CCDC149: variants seen among roughly 807,000 people sequenced by gnomAD.
The protein encoded by CCDC149 is coiled-coil domain containing 149, also known as coiled-coil domain-containing protein 149.
Under a neutral mutation model 59.9 loss-of-function variants are expected in CCDC149, and 45 were observed. The ratio of observed to expected loss-of-function variants is 0.75; its 90% CI spans 0.59 to 0.96. CCDC149 has a LOEUF of 0.96. Among genes scored for constraint, CCDC149 ranks in the 40% least tolerant of loss-of-function variants. The pLI, the probability that CCDC149 is intolerant of heterozygous loss-of-function variation, is 0.00. For missense variants in CCDC149, 584 were observed against 664.7 expected (o/e 0.88, Z 1.33); for synonymous variants, 245 against 260.6 (o/e 0.94, Z 0.58).
intron 1 of CCDC149, among the ~76,000 whole-genome samples, chr4:24,976,250 T>C (rs1724188567): frequency 2.0e-5 from 3 of 152,174 alleles, no homozygotes; most frequent in Non-Finnish European, 2.9e-5. Flanking sequence ...CCAGGGTCCA[T>C]TTATCAAGGA....
chr4:24,868,178 AT>A lies in CCDC149; in HGVS notation c.264+5502del, dbSNP rs577756550. On this transcript the variant is annotated intron_variant, in intron 3 of 12. Coordinates refer to ENST00000635206, the MANE Select transcript of CCDC149 (RefSeq NM_001330643.2). ...TGCTGGTGACGCAGTTTAGAAAGTA[AT>A]TGTGCCTCTCCCTTTCCATACTTGC... Among the ~76,000 whole-genome samples, 196 of 152,236 alleles carry A rather than the reference AT, an allele frequency of 1.3e-3. 1 individual carries two copies. The highest frequency in any genetic ancestry group is 4.6e-3 in the African/African-American group (192 of 41,530).
chr4:24,959,875 C>A (rs1246305329), intron 1 of CCDC149, among the ~76,000 whole-genome samples: 2 of 152,138 alleles, frequency 1.3e-5, no homozygotes, highest in Non-Finnish European at 2.9e-5. Flanking sequence ...AAGAATTCAC[C>A]ACCAGTAGAC....
rs559000638 is a variant in CCDC149, at chr4:24,820,288, G to C, written c.1076-313C>G. On this transcript the variant is annotated intron_variant, in intron 11 of 12. Coordinates refer to ENST00000635206, the MANE Select transcript of CCDC149 (RefSeq NM_001330643.2). ...CTAAGTGGACCGCAGATTCTTGGAG[G>C]GGGTGATAAGCATGTCTAGAATGCC... is the stretch of plus-strand genomic sequence containing the variant. 3.0e-4 allele frequency: 79 copies of C among 264,648 alleles called. No homozygotes were observed. The South Asian group carries it at 4.2e-3, about 14-fold the overall frequency. 16.4% of individuals were successfully genotyped at this position (264,648 alleles called of 1,614,324 possible).
intron 3 of CCDC149, among the ~76,000 whole-genome samples, chr4:24,855,162 G>A (rs1160335748): frequency 6.6e-6 from 1 of 152,132 alleles, no homozygotes; most frequent in Admixed American, 6.5e-5. Flanking sequence ...TTTAAAATAA[G>A]AGGCAATAAG....
At chr4:24,916,794 G>GTGTGTGTGTGTT (rs1264027672), upstream of CCDC149, among the ~76,000 whole-genome samples, 3 of 138,056 alleles carry the variant, frequency 2.2e-5, no homozygotes, top group African/African-American at 9.7e-5. Context: ...AATGGTGTGT[G>GTGTGTGTGTGTT]TGTGTGTGTG....
chr4:24,906,156 G>C (rs1030258339), intron 1 of CCDC149, among the ~76,000 whole-genome samples: 3 of 152,142 alleles, frequency 2.0e-5, no homozygotes, highest in Non-Finnish European at 4.4e-5. Flanking sequence ...TTGGAGGCAG[G>C]CATCTTTCTT....
intron 3 of CCDC149, among the ~76,000 whole-genome samples, chr4:24,860,926 A>C (rs1718338595): frequency 6.6e-6 from 1 of 152,066 alleles, no homozygotes; most frequent in Admixed American, 6.6e-5. Context: ...AGGTGTTATT[A>C]CTCCTGTAAG....
intron 3 of CCDC149, 124 bp from the exon 4 acceptor site, chr4:24,853,303 A>G (rs1717785085): frequency 1.7e-5 from 12 of 716,272 alleles, no homozygotes; most frequent in Non-Finnish European, 2.7e-5. Context: ...CCGTTATAGT[A>G]AACACATATA....
At chr4:24,868,791 G>A (rs1408207335) in intron 3 of CCDC149, among the ~76,000 whole-genome samples, 2 of 152,094 alleles carry the variant, frequency 1.3e-5, no homozygotes, top group African/African-American at 2.4e-5. Context: ...ACACCCATGG[G>A]TGCTCCCTGA....
chr4:24,881,162 G>A (rs1320082762), intron 1 of CCDC149, among the ~76,000 whole-genome samples: 2 of 152,200 alleles, frequency 1.3e-5, no homozygotes, highest in African/African-American at 2.4e-5. Context: ...CTGAAGCTGC[G>A]TTTGTAGCAG....
chr4:24,821,879 C>T (rs906980875), intron 10 of CCDC149, among the ~76,000 whole-genome samples: 1 of 151,888 alleles, frequency 6.6e-6, no homozygotes, highest in African/African-American at 2.4e-5. Context: ...CAGTGTACAA[C>T]TGGAAAAAAA....
chr4:24,857,177 T>G (rs1286419466), intron 3 of CCDC149, among the ~76,000 whole-genome samples: 2 of 152,222 alleles, frequency 1.3e-5, no homozygotes, highest in African/African-American at 4.8e-5. Context: ...GACCCTGACA[T>G]TCACTGACCA....
chr4:24,869,682 C>T (rs555985480), intron 3 of CCDC149, among the ~76,000 whole-genome samples: 84 of 152,250 alleles, frequency 5.5e-4, no homozygotes, highest in African/African-American at 2.0e-3. Context: ...GGATGCTCAC[C>T]TTACGCCAGG....
intron 1 of CCDC149, among the ~76,000 whole-genome samples, chr4:24,953,186 A>G (rs1476235526): frequency 1.3e-5 from 2 of 152,166 alleles, no homozygotes; most frequent in Admixed American, 1.3e-4. Context: ...CTTCTCTAGC[A>G]TCTGGCTGGG....
intron 12 of CCDC149, among the ~76,000 whole-genome samples, chr4:24,818,542 G>A (rs1343546126): frequency 6.6e-6 from 1 of 152,236 alleles, no homozygotes; most frequent in Non-Finnish European, 1.5e-5. Flanking sequence ...TGAGCTGGGT[G>A]GTTCTGGCTA....
At chr4:24,877,054 T>A (rs2109249851) in intron 1 of CCDC149, among the ~76,000 whole-genome samples, 1 of 152,228 alleles carries the variant, frequency 6.6e-6, no homozygotes, top group East Asian at 1.9e-4. Flanking sequence ...ATAAAAATTT[T>A]ATTAAAATGT....
chr4:24,883,447 C>T (rs571694888), intron 1 of CCDC149, among the ~76,000 whole-genome samples: 46 of 126,598 alleles, frequency 3.6e-4, no homozygotes, highest in African/African-American at 1.1e-3. Context: ...GTGAAAGGAA[C>T]GAAGAGAGGC....
At chr4:24,877,534 A>C (rs1719539211) in intron 1 of CCDC149, among the ~76,000 whole-genome samples, 1 of 152,146 alleles carries the variant, frequency 6.6e-6, no homozygotes, top group Non-Finnish European at 1.5e-5. Context: ...ATTAAAAATA[A>C]TTGAACCATA....
chr4:24,910,638 C>T (rs1038403066), intron 1 of CCDC149, among the ~76,000 whole-genome samples: 3 of 152,152 alleles, frequency 2.0e-5, no homozygotes, highest in Admixed American at 6.5e-5. Context: ...CTTGGGAAGC[C>T]TGCCATCTAG....
Sources: allele counts gnomAD v4.1 joint callset (sites outside exome capture counted in the v4.1 genomes callset), GRCh38; gene constraint gnomAD v4.1.1; transcripts MANE v1.5; gene names NCBI Gene and HGNC (gene_info 2026-07-23, HGNC 2026-07-21).